The following HECW2 variants were observed in gnomAD, a reference collection of about 807,000 sequenced individuals.
HECW2 encodes the protein HECT, C2 and WW domain containing E3 ubiquitin protein ligase 2, also known as E3 ubiquitin-protein ligase HECW2.
HECW2 carries 61 observed loss-of-function variants against 175.2 expected under a neutral mutation model. That is an observed-to-expected ratio of 0.35 (90% CI 0.28 to 0.43). The LOEUF is 0.43. HECW2 is among the 20% of genes least tolerant of loss of function. The pLI is 1.00. For missense variants in HECW2, 1,524 were observed against 2,000.5 expected (o/e 0.76, Z 4.54); for synonymous variants, 671 against 731.0 (o/e 0.92, Z 1.32).
intron 1 of HECW2, among the ~76,000 whole-genome samples, chr2:196,451,669 G>T (rs1696351889): frequency 6.6e-6 from 1 of 152,038 alleles, no homozygotes. Flanking sequence ...GGAGGCCAAG[G>T]CAAGAGGATC....
At chr2:196,323,397 G>C (rs1441779747) in intron 6 of HECW2, among the ~76,000 whole-genome samples, 1 of 152,278 alleles carries the variant, frequency 6.6e-6, no homozygotes, top group South Asian at 2.1e-4. Flanking sequence ...GAGAATCTCA[G>C]GATAAGTAAA....
At chr2:196,289,626 T>G (rs901918806) in intron 14 of HECW2, 1 of 152,158 alleles carries the variant, frequency 6.6e-6, no homozygotes, top group Non-Finnish European at 1.5e-5. Context: ...AGGTTGAAAC[T>G]CCCATGCTGA....
At chr2:196,365,532 G>A (rs777624929) in intron 2 of HECW2, among the ~76,000 whole-genome samples, 22 of 152,168 alleles carry the variant, frequency 1.4e-4, no homozygotes, top group Non-Finnish European at 3.1e-4. Context: ...CCAGAGGAAT[G>A]CTTGTCCCGT....
chr2:196,589,099 G>C (rs758425302), intron 1 of HECW2, among the ~76,000 whole-genome samples: 10 of 152,090 alleles, frequency 6.6e-5, no homozygotes, highest in Non-Finnish European at 1.5e-4. Flanking sequence ...CTTGGGAGAC[G>C]GAGGCATGAG....
At chr2:196,341,239 A>G (rs1296495036) in intron 3 of HECW2, among the ~76,000 whole-genome samples, 1 of 148,252 alleles carries the variant, frequency 6.7e-6, no homozygotes, top group Non-Finnish European at 1.5e-5. Context: ...TGTGCACTCC[A>G]ACAGGCAATA....
At chr2:196,558,993 T>G (rs1689901851) in intron 1 of HECW2, among the ~76,000 whole-genome samples, 1 of 152,190 alleles carries the variant, frequency 6.6e-6, no homozygotes, top group Admixed American at 6.5e-5. Context: ...ATACATCATC[T>G]CATTAGAGTC....
chr2:196,523,137 A>G (rs1575633326), intron 1 of HECW2, among the ~76,000 whole-genome samples: 1 of 152,028 alleles, frequency 6.6e-6, no homozygotes, highest in Non-Finnish European at 1.5e-5. Context: ...ATTTGTTTGT[A>G]TCCTCTTTTA....
chr2:196,201,066 G>T lies in HECW2; in HGVS notation c.*211C>A. 1 of 510,062 alleles carries T rather than the reference G, an allele frequency of 2.0e-6. No individual in the cohort carries two copies. Among genetic ancestry groups the T allele is most frequent in the Non-Finnish European group, 3.6e-6 (1 of 278,968 alleles). 31.6% of individuals were successfully genotyped at this position (510,062 alleles called of 1,614,324 possible). On this transcript the variant is annotated 3_prime_UTR_variant, in exon 29 of 29. Transcript: ENST00000644978. ...GAACTGTTGATTGAAAGACGGTTGG[G>T]TTGTTCCCTGGGCATCAAGCTCACC...
intron 1 of HECW2, among the ~76,000 whole-genome samples, chr2:196,522,674 T>G (rs1182649740): frequency 6.6e-6 from 1 of 151,254 alleles, no homozygotes; most frequent in Admixed American, 6.6e-5. Flanking sequence ...AAGGAAGGGA[T>G]CCAGTTTCAG....
chr2:196,309,136 G>A (rs1001179580), intron 10 of HECW2, among the ~76,000 whole-genome samples: 7 of 152,136 alleles, frequency 4.6e-5, no homozygotes, highest in African/African-American at 1.7e-4. Flanking sequence ...ACCACCTATG[G>A]CATTTGCTCT....
chr2:196,582,807 C>T (rs1021387151), intron 1 of HECW2, among the ~76,000 whole-genome samples: 15 of 152,208 alleles, frequency 9.9e-5, no homozygotes, highest in South Asian at 4.1e-4. Flanking sequence ...AGATGTTTTA[C>T]ATACAAACTT....
chr2:196,433,443 T>A lies in HECW2; in HGVS notation c.-20A>T. ...AGCCATCCCGTCTGCTTCTCTGGGATTGGCTGCCTACAAAGCTGCAAGAGA... is the reference window on the plus strand; with the variant it reads ...AGCCATCCCGTCTGCTTCTCTGGGAATGGCTGCCTACAAAGCTGCAAGAGA... On this transcript the variant is annotated 5_prime_UTR_variant, in exon 2 of 29. Transcript: ENST00000644978. 2 of 1,606,410 alleles carry A rather than the reference T, an allele frequency of 1.2e-6. No homozygotes were observed. The highest frequency in any genetic ancestry group is 1.7e-6 in the Non-Finnish European group (2 of 1,175,930).
At chr2:196,368,764 AG>A (rs1693825526) in intron 2 of HECW2, among the ~76,000 whole-genome samples, 1 of 152,044 alleles carries the variant, frequency 6.6e-6, no homozygotes, top group African/African-American at 2.4e-5. Context: ...AGAGTCTCCG[AG>A]GCATTCTTCA....
At chr2:196,360,616 A>G (rs1449730950) in intron 2 of HECW2, among the ~76,000 whole-genome samples, 1 of 152,206 alleles carries the variant, frequency 6.6e-6, no homozygotes, top group Non-Finnish European at 1.5e-5. Flanking sequence ...CCTGAGTGAC[A>G]AAATAATCTC....
intron 2 of HECW2, among the ~76,000 whole-genome samples, chr2:196,377,973 C>T (rs1694098511): frequency 1.3e-5 from 2 of 152,326 alleles, no homozygotes; most frequent in African/African-American, 4.8e-5. Flanking sequence ...CAAAGCATTT[C>T]TGCAATTATT....
chr2:196,549,674 C>A (rs1689546144), intron 1 of HECW2, among the ~76,000 whole-genome samples: 1 of 151,640 alleles, frequency 6.6e-6, no homozygotes, highest in Non-Finnish European at 1.5e-5. Flanking sequence ...ACTATGACTA[C>A]AACTGACTTT....
At chr2:196,402,200 C>CA (rs55851966) in intron 2 of HECW2, among the ~76,000 whole-genome samples, 31,757 of 69,462 alleles carry the variant, frequency 0.46, 11,345 homozygotes, top group East Asian at 0.6. Flanking sequence ...GACTCTGTCT[C>CA]AAAAAAAAAA....
At chr2:196,589,383 G>A (rs898099745) in intron 1 of HECW2, among the ~76,000 whole-genome samples, 7 of 152,096 alleles carry the variant, frequency 4.6e-5, no homozygotes, top group Non-Finnish European at 4.4e-5. Context: ...AGCAACTACT[G>A]CAGAAGCAAA....
intron 28 of HECW2, among the ~76,000 whole-genome samples, chr2:196,210,289 T>C (rs1420485566): frequency 6.6e-6 from 1 of 151,942 alleles, no homozygotes; most frequent in Non-Finnish European, 1.5e-5. Context: ...TATGTGTGTG[T>C]CTGTGTGCCT....
Sources: gnomAD v4.1 joint callset for allele counts (sites outside exome capture counted in the v4.1 genomes callset) on GRCh38, gnomAD v4.1.1 for gene constraint, MANE v1.5 for transcripts, NCBI Gene and HGNC (gene_info 2026-07-23, HGNC 2026-07-21) for gene names.